Variants in PSD2 observed in about 807,000 individuals in gnomAD.
PSD2 encodes PH and SEC7 domain-containing protein 2.
PSD2 carries 38 observed loss-of-function variants against 69.8 expected under a neutral mutation model. That is an observed-to-expected ratio of 0.54 (90% CI 0.42 to 0.71). The LOEUF is 0.71. Ranked by LOEUF, PSD2 falls within the 30% of genes least tolerant of loss-of-function variation. The probability of loss-of-function intolerance (pLI) is 0.00; values close to 1 mark genes in which losing one functional copy is unlikely to be tolerated. For missense variants in PSD2, 943 were observed against 1,014.5 expected (o/e 0.93, Z 0.96); for synonymous variants, 412 against 423.0 (o/e 0.97, Z 0.32).
chr5:139,766,928 CCCTTCTTT>C, the PSD2 span, among the ~76,000 whole-genome samples: 1,976 of 31,202 alleles, frequency 0.063, 113 homozygotes, highest in Admixed American at 0.081. Context: ...TTCCTTCCTT[CCCTTCTTT>C]CTTTCTTTCT....
chr5:139,757,793 A>G, the PSD2 span, among the ~76,000 whole-genome samples: 1 of 152,064 alleles, frequency 6.6e-6, no homozygotes, highest in Non-Finnish European at 1.5e-5. Flanking sequence ...TCCCCAGCAT[A>G]CCCTAGTTCT....
chr5:139,802,471 A>G (rs549838774), intron 1 of PSD2, among the ~76,000 whole-genome samples: 2 of 150,282 alleles, frequency 1.3e-5, no homozygotes, highest in Admixed American at 1.3e-4. Context: ...TCAGGATTCA[A>G]CTCTCAACCC....
the PSD2 span, among the ~76,000 whole-genome samples, chr5:139,786,089 A>AAAAT: frequency 6.6e-6 from 1 of 152,016 alleles, no homozygotes; most frequent in Non-Finnish European, 1.5e-5. Flanking sequence ...ACCCTGTCTC[A>AAAAT]AAATAAATAA....
Position 139,822,796 on chromosome 5 carries a change from A to G in PSD2, c.1269+12A>G. On this transcript the variant is annotated intron_variant, in intron 7 of 14. Transcript: ENST00000274710. ...ACCTGCACGGCCACGTGAGTTGGGG[A>G]GGTGACGGGGGGTGTCGCATGTCCT... The G allele has an allele frequency of 6.2e-7, 1 of 1,601,926 alleles. No individual in the cohort carries two copies. Among genetic ancestry groups the G allele is most frequent in the East Asian group, 2.3e-5 (1 of 43,860 alleles).
In PSD2 at chr5:139,837,671, A is replaced by T; in HGVS notation, c.1712A>T (p.Asn571Ile). Residue 571 changes from asparagine (N) to isoleucine (I), a missense_variant, in exon 12 of 15, where the codon AAC becomes ATC. Coordinates refer to ENST00000274710, the MANE Select transcript of PSD2 (RefSeq NM_032289.4). The surrounding 1 kb of genome is among the most constrained non-coding windows in gnomAD (Gnocchi z 5.0). Reference sequence around the variant, plus strand: ...GCTCTATCGGAGGGTGACCTGAAGAACGCCATTCGCGTGCATCACGCTCTG... The same window carrying T: ...GCTCTATCGGAGGGTGACCTGAAGATCGCCATTCGCGTGCATCACGCTCTG... ...DKALSEGDLKNAIRVHHALAT... is the reference protein window; with the variant it reads ...DKALSEGDLKIAIRVHHALAT... 1 of 1,613,956 alleles carries T rather than the reference A, an allele frequency of 6.2e-7. No individual in the cohort carries two copies. Among genetic ancestry groups the T allele is most frequent in the Non-Finnish European group, 8.5e-7 (1 of 1,179,854 alleles).
the PSD2 span, among the ~76,000 whole-genome samples, chr5:139,758,774 A>G: frequency 7.9e-5 from 12 of 152,268 alleles, no homozygotes; most frequent in East Asian, 2.1e-3. Context: ...GCTTCCTCCA[A>G]GACCTGGCCT....
At chr5:139,821,533 G>C (rs968317257) in intron 5 of PSD2, among the ~76,000 whole-genome samples, 5 of 152,202 alleles carry the variant, frequency 3.3e-5, no homozygotes, top group Non-Finnish European at 5.9e-5. Context: ...GGGCAGGCAG[G>C]GACAGGGTCC....
intron 4 of PSD2, 94 bp from the exon 5 acceptor site, chr5:139,817,387 G>A: frequency 1.9e-6 from 2 of 1,070,768 alleles, no homozygotes; most frequent in Non-Finnish European, 2.9e-6. Flanking sequence ...GGGGGTGGGT[G>A]GGTCCGGGTA....
chr5:139,755,921 AG>A, the PSD2 span, among the ~76,000 whole-genome samples: 4 of 151,986 alleles, frequency 2.6e-5, no homozygotes, highest in South Asian at 2.1e-4. Context: ...ACTTAAAAAA[AG>A]CACAATGCAA....
intron 7 of PSD2, among the ~76,000 whole-genome samples, chr5:139,830,345 CTTTTTT>C (rs755605094): frequency 8.6e-6 from 1 of 116,578 alleles, no homozygotes; most frequent in Non-Finnish European, 1.8e-5. Context: ...TGATAGTGTT[CTTTTTT>C]TTTTTTTTTT....
upstream of PSD2, among the ~76,000 whole-genome samples, chr5:139,795,254 AG>A (rs1435262785): frequency 6.6e-6 from 1 of 152,014 alleles, no homozygotes; most frequent in African/African-American, 2.4e-5. The surrounding 1 kb of genome is among the most constrained non-coding windows in gnomAD (Gnocchi z 4.5). Context: ...TCTAGGTCTC[AG>A]GGGCTCAGTC....
chr5:139,763,330 T>C, the PSD2 span, among the ~76,000 whole-genome samples: 1 of 152,150 alleles, frequency 6.6e-6, no homozygotes, highest in Non-Finnish European at 1.5e-5. Context: ...CTGAAGCATG[T>C]TTTCATTCAC....
At chr5:139,754,103 T>A in the PSD2 span, among the ~76,000 whole-genome samples, 1 of 152,012 alleles carries the variant, frequency 6.6e-6, no homozygotes, top group Non-Finnish European at 1.5e-5. Flanking sequence ...CCCAAAGTGC[T>A]GGGATTACAG....
rs1760068104 is a variant in PSD2, at chr5:139,814,465, G to A, written c.1016+101G>A. On this transcript the variant is annotated intron_variant, in intron 4 of 14. Transcript: ENST00000274710. The surrounding 1 kb of genome is among the most constrained non-coding windows in gnomAD (Gnocchi z 4.4). Reference sequence around the variant, plus strand: ...CTTCTTCAGGGGTGCCAGGTGCTGGGGGGGCACTCCCAACAGTTCCCCAAG... The same window carrying A: ...CTTCTTCAGGGGTGCCAGGTGCTGGAGGGGCACTCCCAACAGTTCCCCAAG... 1 of 1,099,234 alleles carries A rather than the reference G, an allele frequency of 9.1e-7. No individual in the cohort carries two copies. Among genetic ancestry groups the A allele is most frequent in the Admixed American group, 3.2e-5 (1 of 31,490 alleles). 68.1% of individuals were successfully genotyped at this position (1,099,234 alleles called of 1,614,324 possible). A position where few individuals can be genotyped will look rare whatever the true frequency, so the allele number is the denominator to read the frequency against.
At chr5:139,745,292 A>G in the PSD2 span, 1 of 152,276 alleles carries the variant, frequency 6.6e-6, no homozygotes, top group Non-Finnish European at 1.5e-5. Flanking sequence ...TTAGAACCCC[A>G]CTAGAGTGAA....
the PSD2 span, among the ~76,000 whole-genome samples, chr5:139,764,004 A>G: frequency 6.6e-6 from 1 of 152,176 alleles, no homozygotes; most frequent in Non-Finnish European, 1.5e-5. Context: ...CCCTGACTAC[A>G]TGGCCTCTGG....
At chr5:139,816,421 A>C (rs1760123272) in intron 4 of PSD2, among the ~76,000 whole-genome samples, 1 of 152,256 alleles carries the variant, frequency 6.6e-6, no homozygotes, top group Non-Finnish European at 1.5e-5. Context: ...TTTAACCAAC[A>C]ACAGTTCTGC....
the PSD2 span, among the ~76,000 whole-genome samples, chr5:139,756,497 TG>T: frequency 2.0e-5 from 3 of 152,168 alleles, no homozygotes; most frequent in African/African-American, 7.2e-5. Flanking sequence ...AGGTGGTCAG[TG>T]GCTGGGCTGC....
At chr5:139,783,301 G>A in the PSD2 span, among the ~76,000 whole-genome samples, 1 of 152,092 alleles carries the variant, frequency 6.6e-6, no homozygotes, top group Admixed American at 6.5e-5. Context: ...AATTAGCTGG[G>A]CAGGGTGGTG....
Sources: allele counts gnomAD v4.1 joint callset (sites outside exome capture counted in the v4.1 genomes callset), GRCh38; gene constraint gnomAD v4.1.1; non-coding constraint Gnocchi (gnomAD v3.1); transcripts MANE v1.5; gene names NCBI Gene and HGNC (gene_info 2026-07-23, HGNC 2026-07-21).